The following SETBP1 variants were observed in gnomAD, a reference collection of about 807,000 sequenced individuals.
SETBP1 encodes SET-binding protein.
Under a neutral mutation model 101.0 loss-of-function variants are expected in SETBP1, and 9 were observed. That is an observed-to-expected ratio of 0.09 (90% confidence interval 0.05 to 0.16). SETBP1 has a LOEUF of 0.16. SETBP1 is among the 10% of genes least tolerant of loss of function. The pLI is 1.00. For synonymous variants in SETBP1, 818 were observed against 788.5 expected (o/e 1.04, Z -0.63); for missense variants, 1,858 against 2,033.8 (o/e 0.91, Z 1.66).
chr18:44,947,362 C>T (rs1043175075), intron 3 of SETBP1, among the ~76,000 whole-genome samples: 2 of 151,924 alleles, frequency 1.3e-5, no homozygotes, highest in East Asian at 3.9e-4. Flanking sequence ...GGCCTAGCGT[C>T]ACCATGGAGC....
chr18:45,034,806 A>G (rs978435718), intron 4 of SETBP1, among the ~76,000 whole-genome samples: 1 of 152,092 alleles, frequency 6.6e-6, no homozygotes, highest in Non-Finnish European at 1.5e-5. Context: ...TCTGAGTTTG[A>G]GACAGTGATC....
chr18:44,830,569 T>A (rs1056764239), intron 2 of SETBP1, among the ~76,000 whole-genome samples: 1 of 152,228 alleles, frequency 6.6e-6, no homozygotes, highest in African/African-American at 2.4e-5. Context: ...TTTTTGCCTA[T>A]ACGAAGGGTG....
intron 3 of SETBP1, among the ~76,000 whole-genome samples, chr18:44,928,047 A>G (rs1284796505): frequency 7.1e-6 from 1 of 141,822 alleles, no homozygotes; most frequent in Admixed American, 6.8e-5. Flanking sequence ...CGTCATTTAC[A>G]TTAGGTATAT....
chr18:44,714,492 G>A (rs1470326331), intron 2 of SETBP1, among the ~76,000 whole-genome samples: 1 of 152,070 alleles, frequency 6.6e-6, no homozygotes, highest in South Asian at 2.1e-4. Flanking sequence ...GTGAGCCACC[G>A]CACCTGGCCT....
At chr18:44,859,020 G>T (rs1423662087) in intron 2 of SETBP1, among the ~76,000 whole-genome samples, 3 of 151,374 alleles carry the variant, frequency 2.0e-5, no homozygotes, top group Non-Finnish European at 4.4e-5. Context: ...GGAAAAAAGT[G>T]TGGGAGGGAG....
At chr18:44,687,779 G>T (rs900857173) in intron 1 of SETBP1, among the ~76,000 whole-genome samples, 1 of 152,048 alleles carries the variant, frequency 6.6e-6, no homozygotes, top group Admixed American at 6.6e-5. Context: ...TCATGTCATG[G>T]ATCTAGTGGG....
intron 3 of SETBP1, among the ~76,000 whole-genome samples, chr18:44,883,667 G>A (rs1485466303): frequency 6.6e-6 from 1 of 152,182 alleles, no homozygotes; most frequent in East Asian, 1.9e-4. Flanking sequence ...TGTTTATGAA[G>A]CAATTTTAAG....
chr18:44,788,281 G>A (rs1285096031), intron 2 of SETBP1, among the ~76,000 whole-genome samples: 2 of 152,182 alleles, frequency 1.3e-5, no homozygotes, highest in Non-Finnish European at 2.9e-5. Flanking sequence ...CAGGAGGCAG[G>A]GGTAGAGAGG....
At chr18:45,021,977 G>A (rs2145422000) in intron 4 of SETBP1, among the ~76,000 whole-genome samples, 2 of 152,272 alleles carry the variant, frequency 1.3e-5, no homozygotes, top group South Asian at 4.1e-4. Flanking sequence ...ATTATGTACA[G>A]TAGGGCACAC....
chr18:44,949,798 T>A (rs1185505782), intron 3 of SETBP1, 83 bp from the exon 4 acceptor site: 15 of 1,069,446 alleles, frequency 1.4e-5, no homozygotes, highest in Non-Finnish European at 2.1e-5. Context: ...AGACTTTTGA[T>A]GTCAAATATT....
chr18:44,766,659 A>G (rs1048261037), intron 2 of SETBP1, among the ~76,000 whole-genome samples: 1 of 152,134 alleles, frequency 6.6e-6, no homozygotes, highest in African/African-American at 2.4e-5. Context: ...ACTTAATACT[A>G]CTGATTATAC....
intron 4 of SETBP1, among the ~76,000 whole-genome samples, chr18:44,994,125 G>T (rs2072440295): frequency 1.3e-5 from 2 of 151,942 alleles, no homozygotes; most frequent in Non-Finnish European, 2.9e-5. Flanking sequence ...AATATTTAAA[G>T]AACTGCTAGA....
chr18:44,938,286 C>A (rs2071009006), intron 3 of SETBP1, among the ~76,000 whole-genome samples: 1 of 152,216 alleles, frequency 6.6e-6, no homozygotes, highest in African/African-American at 2.4e-5. Context: ...GTCCCTCCAG[C>A]CACTGCCGAT....
chr18:44,730,022 A>C lies in SETBP1; in HGVS notation c.486+28190A>C, dbSNP rs116976588. On this transcript the variant is annotated intron_variant, in intron 2 of 5. Transcript: ENST00000649279. ...GAAGCCTGAGTGTGACGTGAGGTCTAGCTATGCATCTGTGTGAGTCAACTT... is the reference window on the plus strand; with the variant it reads ...GAAGCCTGAGTGTGACGTGAGGTCTCGCTATGCATCTGTGTGAGTCAACTT... Among the ~76,000 whole-genome samples, 1,477 of 152,288 alleles carry C rather than the reference A, an allele frequency of 9.7e-3. 13 individuals carry two copies. The highest frequency in any genetic ancestry group is 0.016 in the Non-Finnish European group (1,093 of 68,022).
At chr18:44,879,711 C>T (rs1312191869) in intron 3 of SETBP1, among the ~76,000 whole-genome samples, 2 of 152,130 alleles carry the variant, frequency 1.3e-5, no homozygotes, top group Admixed American at 6.6e-5. Flanking sequence ...ACACTGTAGT[C>T]CTGGGAGAAT....
intron 2 of SETBP1, among the ~76,000 whole-genome samples, chr18:44,832,904 A>G (rs986131352): frequency 1.3e-5 from 2 of 152,176 alleles, no homozygotes; most frequent in Non-Finnish European, 1.5e-5. Flanking sequence ...TTGATTTTTA[A>G]TCACATTGGA....
chr18:44,809,875 G>A (rs2071824369), intron 2 of SETBP1, among the ~76,000 whole-genome samples: 1 of 152,116 alleles, frequency 6.6e-6, no homozygotes, highest in African/African-American at 2.4e-5. Context: ...CCCTTTTTAG[G>A]AAAGAATCTA....
At chr18:44,893,917 A>G (rs1023684365) in intron 3 of SETBP1, among the ~76,000 whole-genome samples, 6 of 152,096 alleles carry the variant, frequency 3.9e-5, no homozygotes, top group African/African-American at 1.4e-4. Context: ...CTGCCTATCT[A>G]TTGTATATAC....
In SETBP1 at chr18:44,952,108, T is replaced by C. The variant is rs774521311; in HGVS notation, c.2768T>C (p.Ile923Thr). The C allele has an allele frequency of 1.9e-6, 3 of 1,614,056 alleles. No homozygotes were observed. Among genetic ancestry groups the C allele is most frequent in the Admixed American group, 1.7e-5 (1 of 60,008 alleles). The part of the protein sequence containing the change: ...NRHGHRQKHL[I>T]VDNFLAHESL... ...CATGGCCACCGGCAAAAGCATCTCA[T>C]TGTGGACAACTTTCTGGCCCACGAA... The change falls in exon 4 of 6, where the codon ATT becomes ACT. Residue 923 changes from isoleucine (I) to threonine (T), a missense_variant. By Grantham distance (89) the Ile-to-Thr change is moderately conservative. Transcript: ENST00000649279.
Sources: gnomAD v4.1 joint callset for allele counts (sites outside exome capture counted in the v4.1 genomes callset) on GRCh38, gnomAD v4.1.1 for gene constraint, MANE v1.5 for transcripts, NCBI Gene and HGNC (gene_info 2026-07-23, HGNC 2026-07-21) for gene names.